ITGA1: variants seen among roughly 807,000 people sequenced by gnomAD.
ITGA1 encodes the protein integrin alpha-1.
A neutral mutation model predicts 145.9 loss-of-function variants in ITGA1; 85 were observed. That is an observed-to-expected ratio of 0.58 (90% confidence interval 0.49 to 0.70). The LOEUF is 0.70. ITGA1 is among the 30% of genes least tolerant of loss of function. The probability of loss-of-function intolerance (pLI) is 0.00; values close to 1 mark genes in which losing one functional copy is unlikely to be tolerated. For missense variants in ITGA1, 1,351 were observed against 1,418.7 expected (o/e 0.95, Z 0.77); for synonymous variants, 520 against 495.3 (o/e 1.05, Z -0.66).
chr5:52,848,620 C>T (rs1749375121), intron 1 of ITGA1, among the ~76,000 whole-genome samples: 1 of 151,938 alleles, frequency 6.6e-6, no homozygotes, highest in Non-Finnish European at 1.5e-5. Flanking sequence ...GGTACATGTG[C>T]ACAATGTGCA....
chr5:52,934,030 G>C (rs1248782374), intron 23 of ITGA1, 34 bp downstream of exon 23: 1 of 867,626 alleles, frequency 1.2e-6, no homozygotes, highest in African/African-American at 1.8e-5. Context: ...TATTCTAAAG[G>C]AGTTATTTGT....
intron 1 of ITGA1, among the ~76,000 whole-genome samples, chr5:52,843,264 A>G (rs1749284767): frequency 6.6e-6 from 1 of 152,194 alleles, no homozygotes; most frequent in African/African-American, 2.4e-5. Context: ...AATAATAAAA[A>G]TAATGTTAAT....
In ITGA1 at chr5:52,912,740, G is replaced by GTGTA. The variant is rs869303672; in HGVS notation, c.1857+2322_1857+2323insGTAT. ...TGTGTGTGTGTGTGTGTGTGTGTGT[G>GTGTA]TATATATATATATATTTTTTTTTTG... On this transcript the variant is annotated intron_variant, in intron 14 of 28. Transcript: ENST00000282588. Among the ~76,000 whole-genome samples, 172 of 125,984 alleles carry GTGTA rather than the reference G, an allele frequency of 1.4e-3. 3 individuals carry two copies. The highest frequency in any genetic ancestry group is 5.0e-3 in the African/African-American group (166 of 33,198). The allele number at this position is 125,984 out of a possible 152,430, so 82.7% of individuals were successfully genotyped here.
intron 27 of ITGA1, 22 bp from the exon 28 acceptor site, chr5:52,947,323 A>T: frequency 7.0e-7 from 1 of 1,428,982 alleles, no homozygotes; most frequent in Non-Finnish European, 9.9e-7. Context: ...TTATGTTAAC[A>T]ATCTTGTTTA....
At chr5:52,839,229 A>G (rs1238189310) in intron 1 of ITGA1, among the ~76,000 whole-genome samples, 1 of 152,228 alleles carries the variant, frequency 6.6e-6, no homozygotes, top group East Asian at 1.9e-4. Flanking sequence ...ACCGTAAGGC[A>G]TATGAATGAT....
chr5:52,862,038 A>T (rs1371446389), intron 3 of ITGA1, among the ~76,000 whole-genome samples: 2 of 151,750 alleles, frequency 1.3e-5, no homozygotes, highest in Non-Finnish European at 2.9e-5. Flanking sequence ...ACCAACATGG[A>T]GAAACCCTGC....
chr5:52,865,647 A>G (rs777129026), intron 5 of ITGA1, 43 bp from the exon 6 acceptor site: 1 of 1,412,218 alleles, frequency 7.1e-7, no homozygotes, highest in Admixed American at 2.8e-5. Context: ...TGCCTCTGAA[A>G]AAAATAGATT....
chr5:52,882,084 C>T, intron 7 of ITGA1, 63 bp downstream of exon 7: 2 of 1,358,556 alleles, frequency 1.5e-6, no homozygotes, highest in South Asian at 1.8e-5. Context: ...ATGATTTAGC[C>T]TTTTGGCATA....
chr5:52,911,564 A>AT (rs1750534409), intron 14 of ITGA1, among the ~76,000 whole-genome samples: 2 of 53,656 alleles, frequency 3.7e-5, no homozygotes, highest in Non-Finnish European at 9.0e-5. Flanking sequence ...TAGTGTATCT[A>AT]CTATATATAC....
At position 52,898,294 on chromosome 5, in the gene ITGA1, T is replaced by A; in HGVS notation, c.1220T>A (p.Met407Lys). 1 of 1,612,230 alleles carries A rather than the reference T, an allele frequency of 6.2e-7. No individual in the cohort carries two copies. Among genetic ancestry groups the A allele is most frequent in the Non-Finnish European group, 8.5e-7 (1 of 1,178,890 alleles). Residue 407 changes from methionine (M) to lysine (K), a missense_variant, in exon 11 of 29, where the codon ATG becomes AAG. Transcript: ENST00000282588. The stretch of plus-strand genomic sequence containing the variant: ...TATGATTGGAATGGAACAGTTGTCA[T>A]GCAGAAGGCTAGTCAAATCATAATC... ...GAYDWNGTVV[M>K]QKASQIIIPR...
At position 52,928,362 on chromosome 5, in the gene ITGA1, T is replaced by C. The variant is rs534631874; in HGVS notation, c.2694+698T>C. ...AAAAAGAATGCTTCAAATAGATTGGTTTAGAACTTAATCAGAAATTCTCCT... is the reference window on the plus strand; with the variant it reads ...AAAAAGAATGCTTCAAATAGATTGGCTTAGAACTTAATCAGAAATTCTCCT... On this transcript the variant is annotated intron_variant, in intron 20 of 28. Coordinates refer to ENST00000282588, the MANE Select transcript of ITGA1 (RefSeq NM_181501.2). Among the ~76,000 whole-genome samples, 7 of 152,280 alleles carry C rather than the reference T, an allele frequency of 4.6e-5. No individual in the cohort carries two copies. In the Middle Eastern group the frequency reaches 0.017, roughly 370 times the overall value.
chr5:52,888,023 A>G, intron 8 of ITGA1, 58 bp downstream of exon 8: 1 of 1,503,392 alleles, frequency 6.7e-7, no homozygotes, highest in East Asian at 2.3e-5. Context: ...AGCTGTGTGC[A>G]TATTGGGTAA....
intron 7 of ITGA1, among the ~76,000 whole-genome samples, chr5:52,886,940 G>A (rs1750061499): frequency 6.6e-6 from 1 of 152,028 alleles, no homozygotes; most frequent in Admixed American, 6.6e-5. Flanking sequence ...CACCGCACCC[G>A]GCTAATTTTT....
intron 28 of ITGA1, among the ~76,000 whole-genome samples, chr5:52,952,186 CA>C (rs541608561): frequency 0.57 from 74,141 of 130,570 alleles, 19,124 homozygotes; most frequent in Middle Eastern, 0.7. Flanking sequence ...GAGACTGTCT[CA>C]AAAAAAAAAA....
intron 1 of ITGA1, among the ~76,000 whole-genome samples, chr5:52,830,648 A>G (rs541782418): frequency 6.6e-6 from 1 of 152,178 alleles, no homozygotes. Context: ...AGTATTTCAT[A>G]AAGTGTTGAT....
chr5:52,897,320 G>A (rs1440495093), intron 9 of ITGA1, 135 bp from the exon 10 acceptor site: 2 of 625,268 alleles, frequency 3.2e-6, no homozygotes, highest in South Asian at 2.0e-5. Context: ...GAAATGTATG[G>A]CTGAAAATGC....
chr5:52,939,648 A>C lies in ITGA1; in HGVS notation c.3137A>C (p.Lys1046Thr). Reference protein sequence around the residue: ...EDPFSINSGKKMTTSTDHLKR... With the variant: ...EDPFSINSGKTMTTSTDHLKR... The stretch of plus-strand genomic sequence containing the variant: ...CCTTTCAGTATCAACTCTGGAAAGA[A>C]AATGACTACATCAACTGACCATCTC... The change falls in exon 25 of 29, where the codon AAA becomes ACA. Residue 1046 changes from lysine (K) to threonine (T), a missense_variant. Physicochemically the swap from Lys to Thr is moderately conservative, Grantham distance 78 (BLOSUM62 -1). Transcript: ENST00000282588. 1 of 1,613,750 alleles carries C rather than the reference A, an allele frequency of 6.2e-7. No individual in the cohort carries two copies. The highest frequency in any genetic ancestry group is 8.5e-7 in the Non-Finnish European group (1 of 1,179,692).
At chr5:52,840,160 A>G (rs990151234) in intron 1 of ITGA1, among the ~76,000 whole-genome samples, 1 of 152,244 alleles carries the variant, frequency 6.6e-6, no homozygotes, top group Non-Finnish European at 1.5e-5. Context: ...ACTGAGAAAA[A>G]GTTATAAGTA....
chr5:52,788,039 G>C lies in ITGA1; in HGVS notation c.-315G>C, dbSNP rs1428991335. On this transcript the variant is annotated 5_prime_UTR_variant, in exon 1 of 29. Coordinates refer to ENST00000282588, the MANE Select transcript of ITGA1 (RefSeq NM_181501.2). The stretch of plus-strand genomic sequence containing the variant: ...TGGACTTTAGCCTAAACACGGACCC[G>C]CGAAGCTGGCTTTATTTGTCCATGT... The C allele has an allele frequency of 3.0e-6, 1 of 329,004 alleles. No individual in the cohort carries two copies. The highest frequency in any genetic ancestry group is 5.0e-5 in the East Asian group (1 of 19,998). The allele number at this position is 329,004 out of a possible 1,614,324, so 20.4% of individuals were successfully genotyped here.
Sources: allele counts gnomAD v4.1 joint callset (sites outside exome capture counted in the v4.1 genomes callset), GRCh38; gene constraint gnomAD v4.1.1; transcripts MANE v1.5; gene names NCBI Gene and HGNC (gene_info 2026-07-23, HGNC 2026-07-21).